CACNA1D: variants seen among roughly 807,000 people sequenced by gnomAD.
The protein encoded by CACNA1D is voltage-dependent L-type calcium channel subunit alpha-1D.
Under a neutral mutation model 257.1 loss-of-function variants are expected in CACNA1D, and 55 were observed. The ratio of observed to expected loss-of-function variants is 0.21; its 90% CI spans 0.17 to 0.27. The LOEUF (loss-of-function observed/expected upper bound fraction) is 0.27. Ranked by LOEUF, CACNA1D falls within the 10% of genes least tolerant of loss-of-function variation. CACNA1D has a pLI of 1.00. For missense variants in CACNA1D, 1,876 were observed against 2,784.0 expected (o/e 0.67, Z 7.34); for synonymous variants, 980 against 1,014.9 (o/e 0.97, Z 0.65).
chr3:53,542,433 G>A (rs920447203), intron 3 of CACNA1D, among the ~76,000 whole-genome samples: 3 of 151,750 alleles, frequency 2.0e-5, no homozygotes, highest in African/African-American at 4.8e-5. Context: ...AAAATAATTA[G>A]CAGAGCATGG....
Position 53,673,710 on chromosome 3 carries a change from C to A in CACNA1D, c.1220+584C>A. 6.2e-7 allele frequency: 1 copy of A among 1,601,468 alleles called. No individual in the cohort carries two copies. The highest frequency in any genetic ancestry group is 1.1e-5 in the South Asian group (1 of 90,808). ...TGATAACTGATCTCCTTACATTTTA[C>A]AGGTAAATGATGCGATAGGATGGGA... On this transcript the variant is annotated intron_variant, in intron 8 of 47. Transcript: ENST00000350061. This position sits in a 1 kb window ranked among gnomAD's most constrained non-coding sequence, Gnocchi z 4.1.
At position 53,787,131 on chromosome 3, in the gene CACNA1D, C is replaced by T. The variant is rs946605806; in HGVS notation, c.4923+179C>T. On this transcript the variant is annotated intron_variant, in intron 40 of 47. Transcript: ENST00000350061. ...TTTCTGGGCCACAAGGTAAGTGCTT[C>T]CCTCCCCGATGCCTACCCCATAGAG... Among the ~76,000 whole-genome samples the T allele has an allele frequency of 3.3e-5, 5 of 152,286 alleles. 1 individual carries two copies. In the East Asian group the frequency reaches 7.7e-4, roughly 24 times the overall value.
At chr3:53,644,166 G>A (rs1201166204) in intron 3 of CACNA1D, among the ~76,000 whole-genome samples, 1 of 152,142 alleles carries the variant, frequency 6.6e-6, no homozygotes, top group African/African-American at 2.4e-5. Flanking sequence ...AATTTATTAG[G>A]GGAGACAAAT....
In CACNA1D at chr3:53,497,239, C is replaced by T; in HGVS notation, c.155C>T (p.Ser52Phe). ...QPNSSKQTVL[S>F]WQAAIDAARQ... ...AATAGCTCCAAGCAAACTGTCCTGT[C>T]TTGGCAAGCTGCAATCGATGCTGCT... The change falls in exon 2 of 48, where the codon TCT (serine) becomes TTT (phenylalanine). Residue 52 changes from serine to phenylalanine, a missense_variant. Ser to Phe is a radical substitution (Grantham distance 155, BLOSUM62 -2). This residue lies in a region of CACNA1D where 143 missense variants were observed against 168.7 expected (regional missense o/e 0.85). Coordinates refer to ENST00000350061, the MANE Select transcript of CACNA1D (RefSeq NM_001128840.3). 1 of 1,614,190 alleles carries T rather than the reference C, an allele frequency of 6.2e-7. No individual in the cohort carries two copies. Among genetic ancestry groups the T allele is most frequent in the Admixed American group, 1.7e-5 (1 of 60,024 alleles).
chr3:53,513,561 G>C (rs2091209201), intron 3 of CACNA1D, among the ~76,000 whole-genome samples: 1 of 152,314 alleles, frequency 6.6e-6, no homozygotes, highest in South Asian at 2.1e-4. Context: ...TTGAGCCTGG[G>C]TGATGGAGAT....
chr3:53,693,491 A>G (rs2094547247), intron 8 of CACNA1D, among the ~76,000 whole-genome samples: 3 of 148,488 alleles, frequency 2.0e-5, no homozygotes, highest in Admixed American at 6.7e-5. Context: ...CAAAATTCCT[A>G]GTTTCCTTGA....
chr3:53,694,122 G>A (rs1301570052), intron 8 of CACNA1D, among the ~76,000 whole-genome samples: 3 of 152,218 alleles, frequency 2.0e-5, no homozygotes, highest in Non-Finnish European at 2.9e-5. Flanking sequence ...TGTTGGCTGA[G>A]CCAGGGGTCC....
chr3:53,702,945 T>G lies in CACNA1D; in HGVS notation c.1390+135T>G. Reference sequence around the variant, plus strand: ...TCCCAGCCATCTGGTCCCTTCTGCCTGCACACATCACGGAGAGAACAGGTG... The same window carrying G: ...TCCCAGCCATCTGGTCCCTTCTGCCGGCACACATCACGGAGAGAACAGGTG... On this transcript the variant is annotated intron_variant, in intron 9 of 47. Coordinates refer to ENST00000350061, the MANE Select transcript of CACNA1D (RefSeq NM_001128840.3). 3.3e-6 allele frequency: 3 copies of G among 900,038 alleles called. No homozygotes were observed. The Admixed American group carries it at 6.0e-5, about 18-fold the overall frequency. 55.8% of individuals were successfully genotyped at this position (900,038 alleles called of 1,614,324 possible).
At chr3:53,618,322 G>A (rs1243893095) in intron 3 of CACNA1D, among the ~76,000 whole-genome samples, 1 of 152,178 alleles carries the variant, frequency 6.6e-6, no homozygotes, top group Non-Finnish European at 1.5e-5. Flanking sequence ...GATGGCCCAG[G>A]TCTGGCTGGG....
In CACNA1D at chr3:53,574,501, T is replaced by C. The variant is rs547810224; in HGVS notation, c.483+72781T>C. Among the ~76,000 whole-genome samples the C allele has an allele frequency of 5.3e-5, 8 of 152,304 alleles. No homozygotes were observed. In the East Asian group the frequency reaches 1.2e-3, roughly 22 times the overall value. On this transcript the variant is annotated intron_variant, in intron 3 of 47. Coordinates refer to ENST00000350061, the MANE Select transcript of CACNA1D (RefSeq NM_001128840.3). ...AAATGTTGTGTTGGATCAAAACCAT[T>C]GACTATGAAATTCTCCCAGATGGAT... is the stretch of plus-strand genomic sequence containing the variant.
chr3:53,743,885 C>T (rs1473265034), intron 22 of CACNA1D, among the ~76,000 whole-genome samples: 1 of 152,094 alleles, frequency 6.6e-6, no homozygotes, highest in Non-Finnish European at 1.5e-5. Context: ...GACCAAAAAC[C>T]TCTGCTTGGA....
chr3:53,749,016 GA>G, intron 26 of CACNA1D: 5 of 624,996 alleles, frequency 8.0e-6, no homozygotes, highest in South Asian at 6.8e-5. Flanking sequence ...GGATATTTGT[GA>G]AATCTTTTGA....
chr3:53,754,555 G>A (rs1295073446), intron 29 of CACNA1D, among the ~76,000 whole-genome samples: 1 of 152,170 alleles, frequency 6.6e-6, no homozygotes, highest in Non-Finnish European at 1.5e-5. Context: ...GGCATGTAGC[G>A]CCACGCTGCG....
At chr3:53,715,927 G>A (rs144625093) in intron 9 of CACNA1D, among the ~76,000 whole-genome samples, 1 of 152,260 alleles carries the variant, frequency 6.6e-6, no homozygotes, top group Non-Finnish European at 1.5e-5. Context: ...AGTTGGCAGG[G>A]GGCCAGAAAT....
chr3:53,721,896 C>T (rs752401101), intron 11 of CACNA1D, among the ~76,000 whole-genome samples: 5 of 152,212 alleles, frequency 3.3e-5, no homozygotes, highest in East Asian at 3.9e-4. Flanking sequence ...GTATAATAAG[C>T]GAAGTGGCTC....
chr3:53,545,629 AT>A (rs2092395472), intron 3 of CACNA1D, among the ~76,000 whole-genome samples: 1 of 152,204 alleles, frequency 6.6e-6, no homozygotes, highest in African/African-American at 2.4e-5. Context: ...AAACAAAGTA[AT>A]TTGGGGGTCA....
In CACNA1D at chr3:53,602,022, A is replaced by G. The variant is rs113216247; in HGVS notation, c.484-48757A>G. Among the ~76,000 whole-genome samples, 423 of 152,246 alleles carry G rather than the reference A, an allele frequency of 2.8e-3. 3 individuals carry two copies. The highest frequency in any genetic ancestry group is 9.6e-3 in the African/African-American group (400 of 41,568). ...CACCACACCCAGCCTGTGTTAGATTAGTGTTAGAGTCACCTTATTGATCTG... is the reference window on the plus strand; with the variant it reads ...CACCACACCCAGCCTGTGTTAGATTGGTGTTAGAGTCACCTTATTGATCTG... On this transcript the variant is annotated intron_variant, in intron 3 of 47. Transcript: ENST00000350061.
At chr3:53,667,763 A>G (rs560411095) in intron 7 of CACNA1D, among the ~76,000 whole-genome samples, 1 of 152,178 alleles carries the variant, frequency 6.6e-6, no homozygotes, top group East Asian at 1.9e-4. Flanking sequence ...CATCACCAAC[A>G]TGTTATATCT....
chr3:53,651,366 C>CTTTTTTTTTTTTTTTATTTTTTTTT (rs2094092184), intron 4 of CACNA1D, among the ~76,000 whole-genome samples: 1 of 81,836 alleles, frequency 1.2e-5, no homozygotes, highest in East Asian at 3.9e-4. Flanking sequence ...TATTAATTTT[C>CTTTTTTTTTTTTTTTATTTTTTTTT]TTTTTTTTTT....
Sources: gnomAD v4.1 joint callset for allele counts (sites outside exome capture counted in the v4.1 genomes callset) on GRCh38, gnomAD v4.1.1 for gene constraint, gnomAD v4.1.1 regional missense constraint, Gnocchi (gnomAD v3.1) non-coding constraint, MANE v1.5 for transcripts, NCBI Gene and HGNC (gene_info 2026-07-23, HGNC 2026-07-21) for gene names.